Variants in PDE4D observed in about 807,000 individuals in gnomAD.
The protein encoded by PDE4D is 3',5'-cyclic-AMP phosphodiesterase 4D.
In PDE4D, 24 loss-of-function variants were observed where a neutral mutation model predicts 87.4. The ratio of observed to expected loss-of-function variants is 0.27; its 90% CI spans 0.20 to 0.39. The LOEUF is 0.39. PDE4D is among the 10% of genes least tolerant of loss of function. PDE4D has a pLI of 1.00. For synonymous variants in PDE4D, 384 were observed against 383.2 expected, an observed-to-expected ratio of 1.00 and a Z score of -0.02; for missense variants, 714 against 1,041.0, an observed-to-expected ratio of 0.69 and a Z score of 4.32.
At chr5:59,745,256 T>C (rs1759435769) in intron 1 of PDE4D, among the ~76,000 whole-genome samples, 4 of 152,162 alleles carry the variant, frequency 2.6e-5, no homozygotes, top group Non-Finnish European at 5.9e-5. Flanking sequence ...AAGTTAGAGC[T>C]TAGGACAATC....
chr5:59,519,727 T>C (rs1402027734), intron 1 of PDE4D, among the ~76,000 whole-genome samples: 4 of 152,180 alleles, frequency 2.6e-5, no homozygotes, highest in Admixed American at 2.0e-4. Flanking sequence ...CTAATTACTG[T>C]TTTTGTAGAA....
chr5:59,602,208 C>G (rs907474692), intron 1 of PDE4D, among the ~76,000 whole-genome samples: 1 of 151,940 alleles, frequency 6.6e-6, no homozygotes, highest in African/African-American at 2.4e-5. Context: ...AAGCACTTGA[C>G]AAAATTGAAC....
At chr5:60,282,731 G>T (rs111831000) in intron 1 of PDE4D, among the ~76,000 whole-genome samples, 1 of 152,086 alleles carries the variant, frequency 6.6e-6, no homozygotes, top group Non-Finnish European at 1.5e-5. Context: ...GGTTCCAAGG[G>T]TTAAGACATA....
In PDE4D at chr5:59,899,322, A is replaced by G. The variant is rs75927527; in HGVS notation, c.272+89166T>C. 5.4e-3 allele frequency among the ~76,000 whole-genome samples: 824 copies of G among 152,196 alleles called. 12 individuals carry two copies. Among genetic ancestry groups the G allele is most frequent in the African/African-American group, 0.019 (769 of 41,516 alleles). On this transcript the variant is annotated intron_variant, in intron 3 of 16. Transcript: ENST00000502484. ...ACATTAATTCAGCCATTTAACCAAT[A>G]TTTATTGAGCACTTAATATGTGCCA...
chr5:60,281,207 T>C (rs1382960221), intron 1 of PDE4D, among the ~76,000 whole-genome samples: 1 of 152,040 alleles, frequency 6.6e-6, no homozygotes, highest in African/African-American at 2.4e-5. Context: ...TACCCCTCCC[T>C]CTCACTCTAC....
chr5:60,220,789 A>T (rs1744406617), intron 1 of PDE4D, among the ~76,000 whole-genome samples: 1 of 152,158 alleles, frequency 6.6e-6, no homozygotes, highest in Non-Finnish European at 1.5e-5. Flanking sequence ...CAAAGTGTTC[A>T]CTATGCTTAT....
At chr5:59,478,607 C>A (rs1803714517) in intron 1 of PDE4D, among the ~76,000 whole-genome samples, 1 of 151,954 alleles carries the variant, frequency 6.6e-6, no homozygotes, top group South Asian at 2.1e-4. Flanking sequence ...GTTCAAAATC[C>A]TTTTAGAAAA....
At chr5:59,260,792 G>A (rs1761862327) in intron 1 of PDE4D, among the ~76,000 whole-genome samples, 1 of 151,758 alleles carries the variant, frequency 6.6e-6, no homozygotes, top group Non-Finnish European at 1.5e-5. Context: ...AGAGAAGGGA[G>A]AGGTTCAAAT....
intron 1 of PDE4D, among the ~76,000 whole-genome samples, chr5:59,377,367 A>G (rs1313198516): frequency 2.0e-5 from 3 of 151,590 alleles, no homozygotes; most frequent in Non-Finnish European, 4.4e-5. Flanking sequence ...CAGTGAGCTG[A>G]GATCATGCCA....
intron 1 of PDE4D, among the ~76,000 whole-genome samples, chr5:59,418,846 T>C (rs1329633997): frequency 6.6e-6 from 1 of 152,048 alleles, no homozygotes; most frequent in African/African-American, 2.4e-5. Context: ...GTAGAGGTTT[T>C]ACCACGTTGG....
At chr5:59,757,550 G>T (rs1761426644) in intron 1 of PDE4D, among the ~76,000 whole-genome samples, 1 of 152,154 alleles carries the variant, frequency 6.6e-6, no homozygotes, top group African/African-American at 2.4e-5. Flanking sequence ...GGTAAGATGG[G>T]TCTTGGTCCT....
intron 1 of PDE4D, among the ~76,000 whole-genome samples, chr5:60,401,403 C>T (rs550929611): frequency 1.3e-5 from 2 of 152,222 alleles, no homozygotes; most frequent in South Asian, 2.1e-4. Flanking sequence ...CCACCTTTCA[C>T]GAACATCTTT....
At chr5:60,049,008 A>C (rs1769717309) in intron 2 of PDE4D, among the ~76,000 whole-genome samples, 1 of 152,164 alleles carries the variant, frequency 6.6e-6, no homozygotes, top group Non-Finnish European at 1.5e-5. Context: ...TACACCAATC[A>C]GACATAGATT....
At chr5:59,722,310 C>G (rs960369986) in intron 1 of PDE4D, among the ~76,000 whole-genome samples, 7 of 152,294 alleles carry the variant, frequency 4.6e-5, no homozygotes, top group African/African-American at 1.7e-4. Context: ...GTCTCTAATA[C>G]AAGATTCAGT....
intron 2 of PDE4D, among the ~76,000 whole-genome samples, chr5:60,035,785 A>G (rs1767729336): frequency 6.6e-6 from 1 of 152,090 alleles, no homozygotes; most frequent in Non-Finnish European, 1.5e-5. Flanking sequence ...TTGTCTCAAT[A>G]ATTGGATTGC....
intron 1 of PDE4D, among the ~76,000 whole-genome samples, chr5:60,406,266 T>C (rs528757110): frequency 2.6e-5 from 4 of 152,200 alleles, no homozygotes; most frequent in African/African-American, 4.8e-5. Flanking sequence ...ACTTGCCATG[T>C]CTAAATATTT....
chr5:60,108,754 T>C (rs1194200342), intron 2 of PDE4D, among the ~76,000 whole-genome samples: 1 of 152,218 alleles, frequency 6.6e-6, no homozygotes, highest in East Asian at 1.9e-4. Context: ...AAACAAGCAA[T>C]GGGGAAACGA....
chr5:60,427,060 A>C (rs1743785039), intron 1 of PDE4D, among the ~76,000 whole-genome samples: 1 of 152,218 alleles, frequency 6.6e-6, no homozygotes, highest in African/African-American at 2.4e-5. Context: ...AGATTTAGGA[A>C]TAGGTAGGAC....
chr5:60,387,271 T>C (rs570190226), intron 1 of PDE4D, among the ~76,000 whole-genome samples: 6 of 152,262 alleles, frequency 3.9e-5, no homozygotes, highest in African/African-American at 1.4e-4. Flanking sequence ...AGCCAAGGAG[T>C]TGCTATTTGA....
Sources: gnomAD v4.1 joint callset for allele counts (sites outside exome capture counted in the v4.1 genomes callset) on GRCh38, gnomAD v4.1.1 for gene constraint, MANE v1.5 for transcripts, NCBI Gene and HGNC (gene_info 2026-07-23, HGNC 2026-07-21) for gene names.